Variants in CCDC116 observed in about 807,000 individuals in gnomAD.
CCDC116 encodes the protein coiled-coil domain-containing protein 116.
Under a neutral mutation model 29.4 loss-of-function variants are expected in CCDC116, and 24 were observed. The observed-to-expected ratio is 0.82, with a 90% CI of 0.59 to 1.15. CCDC116 has a LOEUF of 1.15. CCDC116 is among the 50% of genes most tolerant of loss of function. The probability of loss-of-function intolerance (pLI) is 0.00; values close to 1 mark genes in which losing one functional copy is unlikely to be tolerated. For synonymous variants in CCDC116, 298 were observed against 331.4 expected (o/e 0.90, Z 1.10); for missense variants, 791 against 804.0 (o/e 0.98, Z 0.20).
chr22:21,635,158 CCCCCGCCCCACAGTCT>C lies in CCDC116; in HGVS notation c.1098_1113del (p.Arg367AlafsTer68), dbSNP rs765431646. 1 of 1,601,938 alleles carries C rather than the reference CCCCCGCCCCACAGTCT, an allele frequency of 6.2e-7. No individual in the cohort carries two copies. The highest frequency in any genetic ancestry group is 1.3e-5 in the African/African-American group (1 of 75,052). On this transcript the variant is annotated frameshift_variant, in exon 4 of 5. Coordinates refer to ENST00000292779, the MANE Select transcript of CCDC116 (RefSeq NM_152612.3). LOFTEE classifies it high-confidence loss of function. Reference sequence around the variant, plus strand: ...CCAATGGCGGGCAGCCCTATGCTTCCCCCCGCCCCACAGTCTCCAGCCCCAAGATGCTTCAGAGAAA... The same window carrying C: ...CCAATGGCGGGCAGCCCTATGCTTCCCCAGCCCCAAGATGCTTCAGAGAAA...
At chr22:21,633,979 C>T (rs751315539) in intron 2 of CCDC116, 43 bp from the exon 3 acceptor site, 4 of 1,545,762 alleles carry the variant, frequency 2.6e-6, no homozygotes, top group Non-Finnish European at 3.5e-6. Flanking sequence ...AACCCTTCAC[C>T]TGTAGGGCAC....
chr22:21,634,803 G>T lies in CCDC116; in HGVS notation c.740G>T (p.Gly247Val), dbSNP rs78110423. The T allele has an allele frequency of 9.0e-4, 1,451 of 1,613,978 alleles. 10 individuals carry two copies. The African/African-American group carries it at 0.016, about 18-fold the overall frequency. ...TTGTCCTGGTTCTCAGGGCTGCTGG[G>T]CTCAAGCTCTGGCGTGCCTGAAGCA... ...QPLSWFSGLLGSSSGVPEASE... is the reference protein window; with the variant it reads ...QPLSWFSGLLVSSSGVPEASE... Residue 247 changes from glycine to valine, a missense_variant, in exon 4 of 5, where the codon GGC (glycine) becomes GTC (valine). By Grantham distance (109) the Gly-to-Val change is moderately radical (BLOSUM62 -3). Transcript: ENST00000292779.
rs772305680 is a variant in CCDC116, at chr22:21,634,122, A to C, written c.173A>C (p.Gln58Pro). 9 of 1,614,270 alleles carry C rather than the reference A, an allele frequency of 5.6e-6. No homozygotes were observed. The African/African-American group carries it at 8.0e-5, about 14-fold the overall frequency. ...TCCACATGTGGCAGCTCAGCACTCC[A>C]GGGCCAACGCCGAAACAAGAGGCAC... ...PPSTCGSSAL[Q>P]GQRRNKRHPQ... Residue 58 changes from glutamine to proline, a missense_variant, in exon 3 of 5, where the codon CAG becomes CCG. Gln to Pro is a moderately conservative substitution (Grantham distance 76). Transcript: ENST00000292779.
intron 4 of CCDC116, 155 bp downstream of exon 4, chr22:21,635,421 C>T (rs575099515): frequency 5.0e-4 from 381 of 759,406 alleles, no homozygotes; most frequent in Admixed American, 9.2e-4. Context: ...ACCCTGCCCA[C>T]GCCAGGGATT....
chr22:21,634,896 C>T lies in CCDC116; in HGVS notation c.833C>T (p.Ser278Leu), dbSNP rs749517942. ...RKREFNKEIKSLLSQLESLDL... is the reference protein window; with the variant it reads ...RKREFNKEIKLLLSQLESLDL... ...CGAGAGTTCAATAAGGAGATCAAGTCATTACTGAGCCAGCTGGAGTCCCTC... is the reference window on the plus strand; with the variant it reads ...CGAGAGTTCAATAAGGAGATCAAGTTATTACTGAGCCAGCTGGAGTCCCTC... The change falls in exon 4 of 5, where the codon TCA (serine) becomes TTA (leucine). Residue 278 changes from serine to leucine, a missense_variant. By Grantham distance (145) the Ser-to-Leu change is moderately radical. Coordinates refer to ENST00000292779, the MANE Select transcript of CCDC116 (RefSeq NM_152612.3). 3 of 1,613,988 alleles carry T rather than the reference C, an allele frequency of 1.9e-6. No individual in the cohort carries two copies. Among genetic ancestry groups the T allele is most frequent in the South Asian group, 2.2e-5 (2 of 91,070 alleles).
chr22:21,634,163 C>G lies in CCDC116; in HGVS notation c.214C>G (p.His72Asp). The change falls in exon 3 of 5, where the codon CAC becomes GAC. Residue 72 changes from histidine (H) to aspartate (D), a missense_variant. Coordinates refer to ENST00000292779, the MANE Select transcript of CCDC116 (RefSeq NM_152612.3). The part of the protein sequence containing the change: ...RNKRHPQPFG[H>D]FLDFLTESQV... The stretch of plus-strand genomic sequence containing the variant: ...CAAGAGGCACCCTCAGCCCTTTGGC[C>G]ACTTTCTGGATTTCCTAACTGAGAG... 2 of 1,614,268 alleles carry G rather than the reference C, an allele frequency of 1.2e-6. No homozygotes were observed. The highest frequency in any genetic ancestry group is 8.5e-7 in the Non-Finnish European group (1 of 1,180,048).
chr22:21,634,191 AG>A lies in CCDC116; in HGVS notation c.244del (p.Val82SerfsTer19). On this transcript the variant is annotated frameshift_variant, in exon 3 of 5. Coordinates refer to ENST00000292779, the MANE Select transcript of CCDC116 (RefSeq NM_152612.3). LOFTEE classifies it high-confidence loss of function. ...TTTCTGGATTTCCTAACTGAGAGCC[AG>A]GTCCTGGACAGCCTGGAGACAGTGG... ...GHFLDFLTES[Q>X]VLDSLETVVE... is the part of the protein sequence containing the mutation. 6.2e-7 allele frequency: 1 copy of A among 1,614,250 alleles called. No individual in the cohort carries two copies. The highest frequency in any genetic ancestry group is 8.5e-7 in the Non-Finnish European group (1 of 1,180,038).
rs747173646 is a variant in CCDC116 at position 21,635,092 on chromosome 22, C to T, written c.1029C>T (p.Thr343=). 5 of 1,608,238 alleles carry T rather than the reference C, an allele frequency of 3.1e-6. No homozygotes were observed. The highest frequency in any genetic ancestry group is 2.2e-5 in the East Asian group (1 of 44,864). ...TGTTCCCCACCAGCTTGGAGCCCAC[C>T]TCAGATCTGCCGCCTCTGGGCTCTG... ...RPLFPTSLEP[T]SDLPPLGSEP... is the part of the protein sequence containing the mutation. The change falls in exon 4 of 5, where the codon ACC becomes ACT. Residue 343 remains threonine, a synonymous_variant. Coordinates refer to ENST00000292779, the MANE Select transcript of CCDC116 (RefSeq NM_152612.3).
In CCDC116 at chr22:21,634,402, A is replaced by ATCCAGC. The variant is rs768210035; in HGVS notation, c.464_469dup (p.Ser155_Ser156dup). ...GCACTGGACACCCCAACAACTACCC[A>ATCCAGC]TCCAGCTCCAGCTCCATGTCCAACT... On this transcript the variant is annotated inframe_insertion, in exon 3 of 5. Transcript: ENST00000292779. 4.3e-6 allele frequency: 7 copies of ATCCAGC among 1,613,884 alleles called. No homozygotes were observed. Among genetic ancestry groups the ATCCAGC allele is most frequent in the Admixed American group, 1.7e-5 (1 of 59,982 alleles).
Position 21,635,036 on chromosome 22 carries a change from C to T in CCDC116, c.973C>T (p.Arg325Cys), listed in dbSNP as rs730882. The change falls in exon 4 of 5, where the codon CGT (arginine) becomes TGT (cysteine). Residue 325 changes from arginine (R) to cysteine (C), a missense_variant. By Grantham distance (180) the Arg-to-Cys change is radical. Coordinates refer to ENST00000292779, the MANE Select transcript of CCDC116 (RefSeq NM_152612.3). ...SVVSQAVDKL[R>C]GAHCRDGRPL... ...GGTCAGCCAGGCTGTGGATAAGCTC[C>T]GTGGCGCCCACTGCCGCGACGGCCG... 0.032 allele frequency: 51,399 copies of T among 1,610,344 alleles called. 1,362 individuals are homozygous for T. The highest frequency in any genetic ancestry group is 0.14 in the African/African-American group (10,494 of 74,980).
intron 2 of CCDC116, among the ~76,000 whole-genome samples, chr22:21,633,556 G>A (rs1184903414): frequency 6.6e-6 from 1 of 152,162 alleles, no homozygotes; most frequent in African/African-American, 2.4e-5. Context: ...ACAGGCCCGG[G>A]TAGCACAGGG....
In CCDC116 at chr22:21,634,455, T is replaced by C; in HGVS notation, c.506T>C (p.Leu169Pro). The change falls in exon 3 of 5, where the codon CTG becomes CCG. Residue 169 changes from leucine (L) to proline (P), a missense_variant. Coordinates refer to ENST00000292779, the MANE Select transcript of CCDC116 (RefSeq NM_152612.3). Reference sequence around the variant, plus strand: ...CATAGCAGCCTCATGGCCGGCTGTCTGGGCTCCCACAGCCGGGACAGTGAC... The same window carrying C: ...CATAGCAGCCTCATGGCCGGCTGTCCGGGCTCCCACAGCCGGGACAGTGAC... ...NCHSSLMAGC[L>P]GSHSRDSDLG... 6.2e-7 allele frequency: 1 copy of C among 1,614,196 alleles called. No individual in the cohort carries two copies.
chr22:21,635,051 C>G lies in CCDC116; in HGVS notation c.988C>G (p.Arg330Gly). Reference protein sequence around the residue: ...AVDKLRGAHCRDGRPLFPTSL... With the variant: ...AVDKLRGAHCGDGRPLFPTSL... ...GGATAAGCTCCGTGGCGCCCACTGC[C>G]GCGACGGCCGTCCTCTGTTCCCCAC... Residue 330 changes from arginine (R) to glycine (G), a missense_variant, in exon 4 of 5, where the codon CGC (arginine) becomes GGC (glycine). Coordinates refer to ENST00000292779, the MANE Select transcript of CCDC116 (RefSeq NM_152612.3). 6.2e-7 allele frequency: 1 copy of G among 1,609,624 alleles called. No homozygotes were observed. The highest frequency in any genetic ancestry group is 8.5e-7 in the Non-Finnish European group (1 of 1,179,988).
Position 21,635,225 on chromosome 22 carries a change from T to A in CCDC116, c.1162T>A (p.Ser388Thr). 2 of 1,599,384 alleles carry A rather than the reference T, an allele frequency of 1.3e-6. No homozygotes were observed. Among genetic ancestry groups the A allele is most frequent in the Non-Finnish European group, 1.7e-6 (2 of 1,179,872 alleles). The change falls in exon 4 of 5, where the codon TCC becomes ACC. Residue 388 changes from serine to threonine, a missense_variant. Coordinates refer to ENST00000292779, the MANE Select transcript of CCDC116 (RefSeq NM_152612.3). ...RKRKDRGGSP[S>T]MSSAQVATRF... is the part of the protein sequence containing the mutation. ...ACGCAAGGACAGAGGAGGCTCCCCCTCCATGTCTAGTGCCCAGGTGGCCAC... is the reference window on the plus strand; with the variant it reads ...ACGCAAGGACAGAGGAGGCTCCCCCACCATGTCTAGTGCCCAGGTGGCCAC...
chr22:21,633,208 TTACC>T lies in CCDC116; in HGVS notation c.29_32del (p.Tyr10TrpfsTer67). ...TGGCCAGGTGCCGCCACCACTCGGGTTACCTGGCCGATGACGAGGCCAGCCACTC... is the reference window on the plus strand; with the variant it reads ...TGGCCAGGTGCCGCCACCACTCGGGTTGGCCGATGACGAGGCCAGCCACTC... On this transcript the variant is annotated frameshift_variant, in exon 2 of 5. Coordinates refer to ENST00000292779, the MANE Select transcript of CCDC116 (RefSeq NM_152612.3). LOFTEE classifies it high-confidence loss of function. 6.4e-7 allele frequency: 1 copy of T among 1,550,770 alleles called. No homozygotes were observed.
chr22:21,635,235 G>C lies in CCDC116; in HGVS notation c.1172G>C (p.Ser391Thr). ...AGAGGAGGCTCCCCCTCCATGTCTA[G>C]TGCCCAGGTGGCCACCAGATTCAAA... ...KDRGGSPSMS[S>T]AQVATRFKLK... is the part of the protein sequence containing the mutation. Residue 391 changes from serine (S) to threonine (T), a missense_variant, in exon 4 of 5, where the codon AGT becomes ACT. Physicochemically the swap from Ser to Thr is moderately conservative, Grantham distance 58 (BLOSUM62 1). Coordinates refer to ENST00000292779, the MANE Select transcript of CCDC116 (RefSeq NM_152612.3). The C allele has an allele frequency of 6.3e-7, 1 of 1,599,518 alleles. No individual in the cohort carries two copies. The highest frequency in any genetic ancestry group is 8.5e-7 in the Non-Finnish European group (1 of 1,179,936).
rs2066040471 is a variant in CCDC116 at position 21,637,161 on chromosome 22, G to A, written c.*91G>A. The A allele has an allele frequency of 3.4e-6, 5 of 1,458,712 alleles. No homozygotes were observed. Among genetic ancestry groups the A allele is most frequent in the Admixed American group, 5.2e-5 (2 of 38,694 alleles). The allele number at this position is 1,458,712 out of a possible 1,614,324, so 90.4% of individuals were successfully genotyped here. A position where few individuals can be genotyped will look rare whatever the true frequency, so the allele number is the denominator to read the frequency against. On this transcript the variant is annotated 3_prime_UTR_variant, in exon 5 of 5. Coordinates refer to ENST00000292779, the MANE Select transcript of CCDC116 (RefSeq NM_152612.3). ...ACCATGAAGTCCCCACTAGCCACTCGATTCCCTGCTCTGTCAGAGTTGCTG... is the reference window on the plus strand; with the variant it reads ...ACCATGAAGTCCCCACTAGCCACTCAATTCCCTGCTCTGTCAGAGTTGCTG...
At chr22:21,633,443 TG>T (rs1930635659) in intron 2 of CCDC116, among the ~76,000 whole-genome samples, 190 bp downstream of exon 2, 1 of 152,200 alleles carries the variant, frequency 6.6e-6, no homozygotes, top group Non-Finnish European at 1.5e-5. Context: ...TTTCATTCCT[TG>T]TTTCCTCCTG....
rs773844662 is a variant in CCDC116 at position 21,634,672 on chromosome 22, C to T, written c.622-13C>T. The T allele has an allele frequency of 5.7e-6, 9 of 1,587,014 alleles. No individual in the cohort carries two copies. In the East Asian group the frequency reaches 1.3e-4, roughly 24 times the overall value. ...GCTCCTGAACACTTCACAGAGTCACCCTCTTTCTGCAGAAAGGCCTCAGTC... is the reference window on the plus strand; with the variant it reads ...GCTCCTGAACACTTCACAGAGTCACTCTCTTTCTGCAGAAAGGCCTCAGTC... On this transcript the variant is annotated splice_polypyrimidine_tract_variant and intron_variant, in intron 3 of 4. Coordinates refer to ENST00000292779, the MANE Select transcript of CCDC116 (RefSeq NM_152612.3).
Sources: gnomAD v4.1 joint callset for allele counts (sites outside exome capture counted in the v4.1 genomes callset) on GRCh38, gnomAD v4.1.1 for gene constraint, MANE v1.5 for transcripts, NCBI Gene and HGNC (gene_info 2026-07-23, HGNC 2026-07-21) for gene names.